The following ST7L variants were observed in gnomAD, a reference collection of about 807,000 sequenced individuals.
The protein encoded by ST7L is suppression of tumorigenicity 7 like, also known as suppressor of tumorigenicity 7 protein-like.
In ST7L, 57 loss-of-function variants were observed where a neutral mutation model predicts 72.5. The observed-to-expected ratio is 0.79, with a 90% CI of 0.64 to 0.98. The LOEUF is 0.98. Among genes scored for constraint, ST7L ranks in the 50% least tolerant of loss-of-function variants. ST7L has a pLI of 0.00. For synonymous variants in ST7L, 221 were observed against 240.9 expected, an observed-to-expected ratio of 0.92 and a Z score of 0.77; for missense variants, 576 against 672.2, an observed-to-expected ratio of 0.86 and a Z score of 1.58.
chr1:112,599,127 TACACACACAC>T (rs71084480), intron 4 of ST7L, among the ~76,000 whole-genome samples: 1,925 of 103,770 alleles, frequency 0.019, 61 homozygotes, highest in East Asian at 0.096. Flanking sequence ...TGTGTGTGTA[TACACACACAC>T]ACACACACAC....
chr1:112,608,924 G>C (rs1668658325), intron 3 of ST7L, among the ~76,000 whole-genome samples: 1 of 152,144 alleles, frequency 6.6e-6, no homozygotes, highest in Non-Finnish European at 1.5e-5. Context: ...CATAACTCTA[G>C]TGGTAAGCTA....
At chr1:112,553,021 T>C (rs1218567602) in intron 12 of ST7L, among the ~76,000 whole-genome samples, 1 of 151,440 alleles carries the variant, frequency 6.6e-6, no homozygotes, top group Non-Finnish European at 1.5e-5. Context: ...AGTGAAGACA[T>C]GCACAAAATG....
At chr1:112,546,420 G>A (rs772058644) in intron 13 of ST7L, among the ~76,000 whole-genome samples, 14 of 152,180 alleles carry the variant, frequency 9.2e-5, no homozygotes, top group Middle Eastern at 6.8e-3. Context: ...GAGGGCTGTA[G>A]GGGCCTCAAG....
chr1:112,571,248 A>G, intron 11 of ST7L: 2 of 448,680 alleles, frequency 4.5e-6, no homozygotes, highest in South Asian at 3.2e-5. Flanking sequence ...TCTACAAACA[A>G]TAATATAAGT....
chr1:112,530,123 T>TAGAGA (rs1654129727), intron 14 of ST7L: 1 of 152,230 alleles, frequency 6.6e-6, no homozygotes, highest in East Asian at 1.9e-4. Context: ...AGCGACAAGC[T>TAGAGA]AGAGAAGTAA....
At chr1:112,573,465 T>C (rs1571107341) in intron 11 of ST7L, among the ~76,000 whole-genome samples, 5 of 152,078 alleles carry the variant, frequency 3.3e-5, no homozygotes, top group Middle Eastern at 3.4e-3. Context: ...TTTGAGAATT[T>C]TGATGAAATA....
rs111718525 is a variant in ST7L, at chr1:112,594,486, C to T, written c.623-2883G>A. On this transcript the variant is annotated intron_variant, in intron 5 of 14. Coordinates refer to ENST00000358039, the MANE Select transcript of ST7L (RefSeq NM_017744.5). Reference sequence around the variant, plus strand: ...ACAATTTTTAACAGTTCTATTAGCACCCCTCCCTACTTACTATCAAAGAAT... The same window carrying T: ...ACAATTTTTAACAGTTCTATTAGCATCCCTCCCTACTTACTATCAAAGAAT... Among the ~76,000 whole-genome samples, 337 of 152,264 alleles carry T rather than the reference C, an allele frequency of 2.2e-3. 3 individuals are homozygous for T. Among genetic ancestry groups the T allele is most frequent in the African/African-American group, 7.0e-3 (290 of 41,548 alleles).
chr1:112,597,907 C>G, intron 5 of ST7L, 64 bp downstream of exon 5: 1 of 1,241,304 alleles, frequency 8.1e-7, no homozygotes, highest in South Asian at 1.6e-5. Context: ...ATAAATAACT[C>G]TAAAGAACTT....
intron 3 of ST7L, among the ~76,000 whole-genome samples, chr1:112,605,040 T>A (rs1667996348): frequency 7.8e-6 from 1 of 128,678 alleles, no homozygotes; most frequent in African/African-American, 3.1e-5. Context: ...TGAGCAGAGA[T>A]CACGCCATTG....
At chr1:112,522,240 G>A (rs1274085433), downstream of ST7L, 2 of 152,140 alleles carry the variant, frequency 1.3e-5, no homozygotes, top group Non-Finnish European at 2.9e-5. Context: ...ATGTTGCCCA[G>A]GCTGGTCTTG....
Position 112,524,330 on chromosome 1 carries a change from G to A in ST7L, c.*1683C>T, listed in dbSNP as rs934173405. The A allele has an allele frequency of 1.3e-5, 2 of 152,676 alleles. No individual in the cohort carries two copies. The highest frequency in any genetic ancestry group is 2.9e-5 in the Non-Finnish European group (2 of 68,026). The allele number at this position is 152,676 out of a possible 1,614,324, so 9.5% of individuals were successfully genotyped here. On this transcript the variant is annotated 3_prime_UTR_variant, in exon 15 of 15. Transcript: ENST00000358039. ...ATAGGGCAGAAGCTCAAGCTAGCTG[G>A]GGCGAAGGGAGGACGCCAGGGAGAG...
chr1:112,525,887 T>G lies in ST7L; in HGVS notation c.*126A>C. The stretch of plus-strand genomic sequence containing the variant: ...AATATTCATAAGAAGCTTTTTCATA[T>G]GCAAAATGCTTTAGCATATATGTAA... On this transcript the variant is annotated 3_prime_UTR_variant, in exon 15 of 15. Transcript: ENST00000358039. 1 of 1,325,754 alleles carries G rather than the reference T, an allele frequency of 7.5e-7. No homozygotes were observed. The highest frequency in any genetic ancestry group is 1.0e-6 in the Non-Finnish European group (1 of 996,364). The allele number at this position is 1,325,754 out of a possible 1,614,324, so 82.1% of individuals were successfully genotyped here.
chr1:112,581,325 G>GT (rs1008227034), intron 9 of ST7L, among the ~76,000 whole-genome samples: 1 of 151,580 alleles, frequency 6.6e-6, no homozygotes, highest in African/African-American at 2.4e-5. Context: ...TGTCTTCAAT[G>GT]TAACTGCTGC....
intron 3 of ST7L, among the ~76,000 whole-genome samples, chr1:112,605,607 T>C (rs1160714062): frequency 5.4e-5 from 8 of 147,640 alleles, no homozygotes; most frequent in Non-Finnish European, 7.5e-5. Context: ...GGAGAATCAC[T>C]TGAACCCAGG....
Position 112,614,590 on chromosome 1 carries a change from T to G in ST7L, c.288+2223A>C, listed in dbSNP as rs181396222. On this transcript the variant is annotated intron_variant, in intron 2 of 14. Transcript: ENST00000358039. Reference sequence around the variant, plus strand: ...AAATGGTCTGTATTTAGTCCCTATTTAAAAAAATAGATCCAATACAAATGC... The same window carrying G: ...AAATGGTCTGTATTTAGTCCCTATTGAAAAAAATAGATCCAATACAAATGC... 1.3e-3 allele frequency among the ~76,000 whole-genome samples: 200 copies of G among 152,218 alleles called. 4 individuals are homozygous for G. Among genetic ancestry groups the G allele is most frequent in the Non-Finnish European group, 1.1e-3 (73 of 68,000 alleles).
chr1:112,591,365 G>C (rs1314820023), intron 6 of ST7L, 160 bp downstream of exon 6: 2 of 588,356 alleles, frequency 3.4e-6, no homozygotes, highest in African/African-American at 3.9e-5. Flanking sequence ...GCAAAATACA[G>C]ATGTTGGCAA....
intron 13 of ST7L, among the ~76,000 whole-genome samples, chr1:112,548,235 G>A (rs1043350376): frequency 7.9e-5 from 12 of 152,228 alleles, no homozygotes; most frequent in African/African-American, 1.4e-4. Flanking sequence ...GTGGGTGCCT[G>A]TAATCCCAGC....
intron 2 of ST7L, among the ~76,000 whole-genome samples, chr1:112,611,574 A>T (rs1669064788): frequency 6.6e-6 from 1 of 152,196 alleles, no homozygotes; most frequent in Admixed American, 6.5e-5. Flanking sequence ...GGTCAAGTTG[A>T]TTCCCATATT....
At chr1:112,580,586 T>C (rs937672192) in intron 9 of ST7L, among the ~76,000 whole-genome samples, 3 of 152,158 alleles carry the variant, frequency 2.0e-5, no homozygotes, top group African/African-American at 7.2e-5. Flanking sequence ...TCTTTAAAAT[T>C]CTCCAAACTT....
Sources: allele counts gnomAD v4.1 joint callset (sites outside exome capture counted in the v4.1 genomes callset), GRCh38; gene constraint gnomAD v4.1.1; transcripts MANE v1.5; gene names NCBI Gene and HGNC (gene_info 2026-07-23, HGNC 2026-07-21).